Variants in DIP2A observed in about 807,000 individuals in gnomAD.
DIP2A encodes DIP2 acetate--CoA ligase A.
DIP2A carries 85 observed loss-of-function variants against 177.4 expected under a neutral mutation model. That is an observed-to-expected ratio of 0.48 (90% CI 0.40 to 0.57). The LOEUF is 0.57. Among genes scored for constraint, DIP2A ranks in the 20% least tolerant of loss-of-function variants. DIP2A has a pLI of 0.00. For missense variants in DIP2A, 1,791 were observed against 2,100.2 expected (o/e 0.85, Z 2.88); for synonymous variants, 886 against 881.8 (o/e 1.00, Z -0.08).
intron 33 of DIP2A, chr21:46,561,383 T>A (rs1345534368): frequency 5.6e-6 from 2 of 359,272 alleles, no homozygotes; most frequent in Non-Finnish European, 1.1e-5. Context: ...CCCTCCCAGC[T>A]TTGAAGCTCA....
intron 21 of DIP2A, among the ~76,000 whole-genome samples, chr21:46,548,811 A>C (rs1214366178): frequency 6.6e-6 from 1 of 152,214 alleles, no homozygotes; most frequent in Non-Finnish European, 1.5e-5. Context: ...AGTGGTCCAC[A>C]GAGGGCCCCA....
intron 21 of DIP2A, chr21:46,547,298 G>T: frequency 9.4e-7 from 1 of 1,066,770 alleles, no homozygotes; most frequent in Non-Finnish European, 1.2e-6. Context: ...AAAGGCTCAA[G>T]GGGACAAATC....
At chr21:46,570,116 C>T (rs2060940030), downstream of DIP2A, among the ~76,000 whole-genome samples, 1 of 152,180 alleles carries the variant, frequency 6.6e-6, no homozygotes, top group East Asian at 1.9e-4. Flanking sequence ...GTTGTTTCAA[C>T]AGGACTGCAG....
intron 12 of DIP2A, among the ~76,000 whole-genome samples, 189 bp downstream of exon 12, chr21:46,534,302 A>C (rs1287218106): frequency 6.6e-6 from 1 of 152,102 alleles, no homozygotes; most frequent in Non-Finnish European, 1.5e-5. Context: ...TTTCTCTCTC[A>C]TCTAATTCTC....
chr21:46,549,915 G>T, intron 22 of DIP2A, 30 bp downstream of exon 22: 1 of 1,606,472 alleles, frequency 6.2e-7, no homozygotes, highest in Non-Finnish European at 8.5e-7. Flanking sequence ...CTATGGTTCG[G>T]TGAATCTCCC....
intron 28 of DIP2A, 184 bp from the exon 29 acceptor site, chr21:46,555,798 T>TTAAAAA: frequency 5.1e-6 from 3 of 593,870 alleles, no homozygotes; most frequent in Admixed American, 2.7e-5. Context: ...AGCGTTTCCA[T>TTAAAAA]GAAGAATGAA....
At chr21:46,551,255 G>T (rs1005118608) in intron 23 of DIP2A, among the ~76,000 whole-genome samples, 2 of 152,108 alleles carry the variant, frequency 1.3e-5, no homozygotes, top group African/African-American at 4.8e-5. Context: ...TTTAGTACAT[G>T]CCAAAGTTTT....
chr21:46,473,403 C>T (rs1173651458), intron 1 of DIP2A, among the ~76,000 whole-genome samples: 4 of 147,474 alleles, frequency 2.7e-5, no homozygotes, highest in South Asian at 2.2e-4. Context: ...TGCAGTGAAC[C>T]GTGATTATGC....
intron 20 of DIP2A, chr21:46,546,427 A>G (rs2060041787): frequency 2.0e-6 from 1 of 492,260 alleles, no homozygotes; most frequent in African/African-American, 2.1e-5. Flanking sequence ...TGCTCCTGGC[A>G]TCTAGTGAGT....
intron 8 of DIP2A, among the ~76,000 whole-genome samples, chr21:46,517,054 C>CTTTTT (rs71318086): frequency 2.1e-4 from 13 of 60,882 alleles, no homozygotes; most frequent in East Asian, 6.6e-4. Context: ...TTTTCTCTCT[C>CTTTTT]TTTTTTTTTT....
chr21:46,545,330 G>A, intron 19 of DIP2A, 57 bp downstream of exon 19: 2 of 1,552,150 alleles, frequency 1.3e-6, no homozygotes, highest in Non-Finnish European at 1.8e-6. Context: ...CACTCATGGG[G>A]TCCCAGGTGT....
chr21:46,511,514 G>C lies in DIP2A; in HGVS notation c.1002G>C (p.Ser334=). 1 of 1,612,416 alleles carries C rather than the reference G, an allele frequency of 6.2e-7. No homozygotes were observed. Among genetic ancestry groups the C allele is most frequent in the Non-Finnish European group, 8.5e-7 (1 of 1,179,340 alleles). ...CTGCAGGTGTCCCCCGACCGCCGTCGCTGTTGGCCACCTTGCAGCGCTGGG... is the reference window on the plus strand; with the variant it reads ...CTGCAGGTGTCCCCCGACCGCCGTCCCTGTTGGCCACCTTGCAGCGCTGGG... ...PLTAGVPRPP[S]LLATLQRWGT... is the part of the protein sequence containing the mutation. Residue 334 remains serine (S), a synonymous_variant, in exon 8 of 38, where the codon TCG becomes TCC. Transcript: ENST00000417564.
At chr21:46,507,815 C>T (rs1353872392) in intron 6 of DIP2A, among the ~76,000 whole-genome samples, 4 of 149,302 alleles carry the variant, frequency 2.7e-5, no homozygotes, top group Non-Finnish European at 4.4e-5. Flanking sequence ...ATTCTCCTGC[C>T]TTAGCCTCCC....
At chr21:46,583,283 T>G in the DIP2A span, among the ~76,000 whole-genome samples, 3 of 152,090 alleles carry the variant, frequency 2.0e-5, no homozygotes, top group Admixed American at 6.5e-5. Context: ...GACTTCAATG[T>G]CTCACTTTCT....
At chr21:46,567,188 T>A (rs893999455) in intron 37 of DIP2A, among the ~76,000 whole-genome samples, 182 bp from the exon 38 acceptor site, 7 of 152,216 alleles carry the variant, frequency 4.6e-5, no homozygotes, top group Non-Finnish European at 7.3e-5. Context: ...CAGTAAAAGC[T>A]TTAGTTGGAA....
At chr21:46,551,927 G>A in intron 25 of DIP2A, 23 bp downstream of exon 25, 1 of 1,578,414 alleles carries the variant, frequency 6.3e-7, no homozygotes, top group Non-Finnish European at 8.6e-7. Context: ...CACGCCCACG[G>A]GGCTTGGAAA....
chr21:46,575,641 A>T, the DIP2A span, among the ~76,000 whole-genome samples: 1 of 152,256 alleles, frequency 6.6e-6, no homozygotes, highest in Non-Finnish European at 1.5e-5. Context: ...GAAATCAGGA[A>T]AACAATTCCA....
chr21:46,545,958 G>A lies in DIP2A; in HGVS notation c.2391G>A (p.Gly797=), dbSNP rs368031911. The part of the protein sequence containing the change: ...FTRTGLLGFI[G]PDNLVFIVGK... ...GGACAGGCCTGCTGGGCTTCATCGG[G>A]CCTGTGAGTATGTCCTCCTGTACCA... Residue 797 remains glycine, a synonymous_variant, in exon 20 of 38, where the codon GGG becomes GGA. Coordinates refer to ENST00000417564, the MANE Select transcript of DIP2A (RefSeq NM_015151.4). 6.2e-7 allele frequency: 1 copy of A among 1,613,858 alleles called. No homozygotes were observed. Among genetic ancestry groups the A allele is most frequent in the Admixed American group, 1.7e-5 (1 of 60,000 alleles).
Position 46,459,537 on chromosome 21 carries a change from C to T in DIP2A, c.91+315C>T, listed in dbSNP as rs1458933913. 3.5e-5 allele frequency among the ~76,000 whole-genome samples: 5 copies of T among 143,292 alleles called. No homozygotes were observed. The East Asian group carries it at 1.1e-3, about 31-fold the overall frequency. 94.0% of individuals were successfully genotyped at this position (143,292 alleles called of 152,430 possible). ...CCCGGGAACTCCCGCCCCTCACCCC[C>T]GGGACCTCCTGCCCCTCACCCCCGG... On this transcript the variant is annotated intron_variant, in intron 1 of 37. Transcript: ENST00000417564.
Sources: gnomAD v4.1 joint callset for allele counts (sites outside exome capture counted in the v4.1 genomes callset) on GRCh38, gnomAD v4.1.1 for gene constraint, MANE v1.5 for transcripts, NCBI Gene and HGNC (gene_info 2026-07-23, HGNC 2026-07-21) for gene names.